MGAT4C: variants seen among roughly 807,000 people sequenced by gnomAD.
MGAT4C encodes the protein alpha-1,3-mannosyl-glycoprotein 4-beta-N-acetylglucosaminyltransferase C.
A neutral mutation model predicts 40.1 loss-of-function variants in MGAT4C; 19 were observed. The observed-to-expected ratio is 0.47, with a 90% CI of 0.33 to 0.70. The LOEUF is 0.70. Ranked by LOEUF, MGAT4C falls within the 30% of genes least tolerant of loss-of-function variation. MGAT4C has a pLI of 0.02. For missense variants in MGAT4C, 491 were observed against 563.2 expected, an observed-to-expected ratio of 0.87 and a Z score of 1.30; for synonymous variants, 181 against 187.1, an observed-to-expected ratio of 0.97 and a Z score of 0.27.
intron 2 of MGAT4C, among the ~76,000 whole-genome samples, chr12:86,448,537 T>C (rs981430440): frequency 1.3e-5 from 2 of 152,184 alleles, no homozygotes; most frequent in Non-Finnish European, 2.9e-5. Context: ...AATCCCTCAC[T>C]GGAAAGTAAA....
chr12:86,228,740 A>C (rs1032003237), intron 1 of MGAT4C, among the ~76,000 whole-genome samples: 4 of 151,942 alleles, frequency 2.6e-5, no homozygotes, highest in African/African-American at 9.7e-5. Context: ...CTAAAAGAAA[A>C]AACATTTAGT....
In MGAT4C at chr12:85,974,181, T is replaced by C. The variant is rs1883786660; in HGVS notation, c.*5108A>G. 3 of 150,884 alleles carry C rather than the reference T, an allele frequency of 2.0e-5. No homozygotes were observed. Among genetic ancestry groups the C allele is most frequent in the Admixed American group, 6.6e-5 (1 of 15,068 alleles). 9.3% of individuals were successfully genotyped at this position (150,884 alleles called of 1,614,324 possible). Reference sequence around the variant, plus strand: ...AGAGATGGCCTCCTCTAGTACACTTTTAATAAATTTAAAGTATCTAAAAGG... The same window carrying C: ...AGAGATGGCCTCCTCTAGTACACTTCTAATAAATTTAAAGTATCTAAAAGG... On this transcript the variant is annotated 3_prime_UTR_variant, in exon 5 of 5. Coordinates refer to ENST00000611864, the MANE Select transcript of MGAT4C (RefSeq NM_001351288.2).
intron 3 of MGAT4C, among the ~76,000 whole-genome samples, chr12:86,363,102 A>G (rs1006001332): frequency 6.6e-6 from 1 of 152,094 alleles, no homozygotes; most frequent in Non-Finnish European, 1.5e-5. Context: ...AACTATACCT[A>G]TTTATCTTAA....
chr12:86,358,466 C>CATA (rs1358765750), intron 3 of MGAT4C, among the ~76,000 whole-genome samples: 5 of 152,090 alleles, frequency 3.3e-5, no homozygotes, highest in Non-Finnish European at 5.9e-5. Flanking sequence ...GGATCAAATT[C>CATA]ACACATAACA....
At chr12:86,611,339 C>A (rs74698427) in intron 2 of MGAT4C, among the ~76,000 whole-genome samples, 2 of 151,730 alleles carry the variant, frequency 1.3e-5, no homozygotes, top group South Asian at 2.1e-4. Flanking sequence ...CACACACACA[C>A]GTATGATAGA....
At position 86,579,119 on chromosome 12, in the gene MGAT4C, T is replaced by C. The variant is rs118155269; in HGVS notation, c.-228-143854A>G. On this transcript the variant is annotated intron_variant, in intron 2 of 7. Transcript: ENST00000548651. ...TGTTTATATAACTATTCAGATAGTC[T>C]ATGTTTATTGATCGGAGAGTCTATT... is the stretch of plus-strand genomic sequence containing the variant. Among the ~76,000 whole-genome samples the C allele has an allele frequency of 8.5e-3, 1,296 of 151,708 alleles. 7 individuals carry two copies. Among genetic ancestry groups the C allele is most frequent in the Non-Finnish European group, 0.014 (955 of 67,726 alleles).
intron 2 of MGAT4C, among the ~76,000 whole-genome samples, chr12:86,436,833 T>C (rs1957146828): frequency 6.6e-6 from 1 of 151,796 alleles, no homozygotes; most frequent in African/African-American, 2.4e-5. Context: ...TGCCTAATTA[T>C]TTTGGAAATT....
chr12:86,798,260 A>G (rs534653733), intron 1 of MGAT4C, among the ~76,000 whole-genome samples: 18 of 152,058 alleles, frequency 1.2e-4, no homozygotes, highest in African/African-American at 4.3e-4. Context: ...TTTGTTTAGT[A>G]TTGTAAAATT....
intron 1 of MGAT4C, among the ~76,000 whole-genome samples, chr12:86,053,036 G>A (rs1446437756): frequency 1.3e-5 from 2 of 151,858 alleles, no homozygotes; most frequent in East Asian, 1.9e-4. Context: ...TGGAGTTGCA[G>A]AGTCAGCCAA....
At chr12:86,098,244 C>CT (rs761267103) in intron 1 of MGAT4C, among the ~76,000 whole-genome samples, 5 of 151,478 alleles carry the variant, frequency 3.3e-5, no homozygotes, top group Non-Finnish European at 7.4e-5. Flanking sequence ...GCAATTTTTC[C>CT]TTTTTTATCC....
chr12:86,588,385 GC>G (rs1436463721), intron 2 of MGAT4C, among the ~76,000 whole-genome samples: 1 of 151,820 alleles, frequency 6.6e-6, no homozygotes, highest in Non-Finnish European at 1.5e-5. Flanking sequence ...CAATACAGGA[GC>G]ACCCAGATTC....
chr12:86,013,528 A>G (rs752373368), intron 2 of MGAT4C, among the ~76,000 whole-genome samples: 6 of 152,194 alleles, frequency 3.9e-5, no homozygotes, highest in Non-Finnish European at 5.9e-5. Context: ...AATGCATATT[A>G]TATATTCATG....
intron 2 of MGAT4C, among the ~76,000 whole-genome samples, chr12:86,651,053 T>A (rs1247147012): frequency 6.6e-6 from 1 of 151,942 alleles, no homozygotes; most frequent in Non-Finnish European, 1.5e-5. Flanking sequence ...GGTGAGCAAG[T>A]CTTTGGTGAG....
At chr12:86,779,561 C>A (rs535293474) in intron 1 of MGAT4C, among the ~76,000 whole-genome samples, 1 of 152,040 alleles carries the variant, frequency 6.6e-6, no homozygotes, top group Non-Finnish European at 1.5e-5. Flanking sequence ...ATGATGGCGA[C>A]ACTGCACTAC....
At position 86,726,971 on chromosome 12, in the gene MGAT4C, C is replaced by T. The variant is rs566741847; in HGVS notation, c.-229+238G>A. Among the ~76,000 whole-genome samples the T allele has an allele frequency of 2.6e-5, 4 of 152,152 alleles. No individual in the cohort carries two copies. In the East Asian group the frequency reaches 7.7e-4, roughly 29 times the overall value. On this transcript the variant is annotated intron_variant, in intron 2 of 7. Coordinates refer to the MGAT4C transcript ENST00000548651. ...ATCCTATGGCCTTTAAAAACTAAGA[C>T]GTGAATTATATTTTAACCCACCCTA...
Position 86,401,302 on chromosome 12 carries a change from G to A in MGAT4C, c.-120+33855C>T, listed in dbSNP as rs58243221. Among the ~76,000 whole-genome samples the A allele has an allele frequency of 7.9e-3, 1,183 of 148,980 alleles. 10 individuals are homozygous for A. Among genetic ancestry groups the A allele is most frequent in the African/African-American group, 0.028 (1,123 of 40,604 alleles). On this transcript the variant is annotated intron_variant, in intron 3 of 7. Coordinates refer to the MGAT4C transcript ENST00000548651. ...TGTGTATGTGGGTGTGTGTGTGTGT[G>A]TATATATATATATATTTCTATTATG...
chr12:86,722,305 A>G (rs1288275902), intron 2 of MGAT4C, among the ~76,000 whole-genome samples: 2 of 152,156 alleles, frequency 1.3e-5, no homozygotes, highest in Non-Finnish European at 2.9e-5. Flanking sequence ...AAGATCCTAA[A>G]GGACAGAGTA....
chr12:86,049,613 G>T, intron 2 of MGAT4C, 61 bp downstream of exon 2: 1 of 818,598 alleles, frequency 1.2e-6, no homozygotes, highest in Non-Finnish European at 1.5e-6. Flanking sequence ...AAATATTTTT[G>T]ATAATACATT....
intron 1 of MGAT4C, among the ~76,000 whole-genome samples, chr12:86,223,142 G>A (rs1950946160): frequency 6.6e-6 from 1 of 152,170 alleles, no homozygotes; most frequent in South Asian, 2.1e-4. Flanking sequence ...TGCTGTGGCT[G>A]GGCCAAAAAG....
Sources: gnomAD v4.1 joint callset for allele counts (sites outside exome capture counted in the v4.1 genomes callset) on GRCh38, gnomAD v4.1.1 for gene constraint, MANE v1.5 for transcripts, NCBI Gene and HGNC (gene_info 2026-07-23, HGNC 2026-07-21) for gene names.